Variants in UBAP2 observed in about 807,000 individuals in gnomAD.
The protein encoded by UBAP2 is ubiquitin-associated protein 2.
UBAP2 carries 75 observed loss-of-function variants against 139.6 expected under a neutral mutation model. The ratio of observed to expected loss-of-function variants is 0.54; its 90% CI spans 0.45 to 0.65. The LOEUF (loss-of-function observed/expected upper bound fraction) is 0.65. Ranked by LOEUF, UBAP2 falls within the 30% of genes least tolerant of loss-of-function variation. The pLI is 0.00. For synonymous variants in UBAP2, 526 were observed against 526.2 expected (o/e 1.00, Z 0.01); for missense variants, 1,368 against 1,369.6 (o/e 1.00, Z 0.02).
rs1315167451 is a variant in UBAP2 at position 33,922,866 on chromosome 9, G to A, written c.3085C>T (p.Gln1029Ter). The part of the protein sequence containing the change: ...VYNKTQTFDK[Q>*]GFHAGTPPPF... ...GGAGGCGTCCCTGCATGAAATCCCT[G>A]CTTGTCAAAAGTCTACAGGGCAAAG... The change falls in exon 28 of 29, where the codon CAG (glutamine) becomes TAG (stop). Residue 1029 changes from glutamine to a stop codon, truncating the protein, a stop_gained. Coordinates refer to ENST00000379238, the MANE Select transcript of UBAP2 (RefSeq NM_001370062.2). LOFTEE classifies it high-confidence loss of function. 7 of 1,593,578 alleles carry A rather than the reference G, an allele frequency of 4.4e-6. No homozygotes were observed. In the Admixed American group the frequency reaches 1.0e-4, roughly 23 times the overall value.
chr9:34,045,119 G>A (rs1159203851), intron 1 of UBAP2, among the ~76,000 whole-genome samples: 6 of 151,984 alleles, frequency 3.9e-5, no homozygotes, highest in East Asian at 1.9e-4. Context: ...AGGCCGAGGC[G>A]GGCGGATCAC....
intron 2 of UBAP2, among the ~76,000 whole-genome samples, chr9:34,012,923 G>T (rs941447553): frequency 8.6e-5 from 13 of 151,576 alleles, no homozygotes; most frequent in African/African-American, 2.9e-4. Context: ...AGCTGAGGTG[G>T]GCAGATCACC....
chr9:33,983,348 C>T (rs913275202), intron 6 of UBAP2, among the ~76,000 whole-genome samples: 2 of 152,176 alleles, frequency 1.3e-5, no homozygotes, highest in Admixed American at 1.3e-4. Context: ...AGTGGGATTT[C>T]AGTCATGAAG....
At chr9:33,958,706 C>CTTT (rs35500529) in intron 10 of UBAP2, among the ~76,000 whole-genome samples, 42,459 of 122,288 alleles carry the variant, frequency 0.35, 7,822 homozygotes, top group South Asian at 0.42. Context: ...TGTGCCCGGC[C>CTTT]TTTTTTTTTT....
At chr9:34,047,944 A>C (rs541611787) in intron 1 of UBAP2, among the ~76,000 whole-genome samples, 65 of 152,342 alleles carry the variant, frequency 4.3e-4, no homozygotes, top group African/African-American at 1.5e-3. Context: ...TATCCAATAG[A>C]AGTGGTAGTA....
At chr9:34,025,731 GT>G (rs1368160626) in intron 1 of UBAP2, among the ~76,000 whole-genome samples, 2 of 152,138 alleles carry the variant, frequency 1.3e-5, no homozygotes, top group Non-Finnish European at 2.9e-5. Context: ...TGCCTAAAAA[GT>G]TTTGTTTCCG....
At chr9:33,934,856 C>T (rs147738834) in intron 17 of UBAP2, among the ~76,000 whole-genome samples, 3 of 152,294 alleles carry the variant, frequency 2.0e-5, no homozygotes, top group Admixed American at 6.5e-5. Flanking sequence ...AAGCTCAGAA[C>T]GACCAACGAA....
chr9:34,000,030 C>T (rs537326736), intron 2 of UBAP2, among the ~76,000 whole-genome samples: 49 of 152,228 alleles, frequency 3.2e-4, no homozygotes, highest in African/African-American at 1.1e-3. Context: ...TCACTGCAAC[C>T]TCTGCCGCCC....
chr9:33,948,587 A>G lies in UBAP2; in HGVS notation c.1057T>C (p.Ser353Pro). 1.2e-6 allele frequency: 2 copies of G among 1,614,040 alleles called. No homozygotes were observed. Among genetic ancestry groups the G allele is most frequent in the Non-Finnish European group, 1.7e-6 (2 of 1,179,896 alleles). ...CCAAATCCTGAGCCAAGGACGGATGACTTTAAAAGGGGGATAAAAGAACAA... is the reference window on the plus strand; with the variant it reads ...CCAAATCCTGAGCCAAGGACGGATGGCTTTAAAAGGGGGATAAAAGAACAA... ...AVNSCSPQSL[S>P]SVLGSGFGEL... Residue 353 changes from serine (S) to proline (P), a missense_variant and splice_region_variant, in exon 13 of 29, where the codon TCA becomes CCA. Coordinates refer to ENST00000379238, the MANE Select transcript of UBAP2 (RefSeq NM_001370062.2).
Position 33,956,074 on chromosome 9 carries a change from T to C in UBAP2, c.866+5A>G. ...AACAAATATAAGATGGCAAAAAGTA[T>C]TTACCTTTGCCCAGGTAAGATGTGA... On this transcript the variant is annotated splice_donor_5th_base_variant and intron_variant, in intron 11 of 28. Coordinates refer to ENST00000379238, the MANE Select transcript of UBAP2 (RefSeq NM_001370062.2). 6.2e-7 allele frequency: 1 copy of C among 1,604,912 alleles called. No homozygotes were observed. Among genetic ancestry groups the C allele is most frequent in the South Asian group, 1.1e-5 (1 of 89,752 alleles).
chr9:33,940,865 T>C (rs1208201279), intron 16 of UBAP2, among the ~76,000 whole-genome samples: 1 of 152,228 alleles, frequency 6.6e-6, no homozygotes, highest in Non-Finnish European at 1.5e-5. Flanking sequence ...AAAGTATCTT[T>C]AATTAAGATA....
chr9:34,001,205 T>C (rs1252570300), intron 2 of UBAP2, among the ~76,000 whole-genome samples: 4 of 152,154 alleles, frequency 2.6e-5, no homozygotes, highest in African/African-American at 7.2e-5. Flanking sequence ...GTCAAAAATA[T>C]AGAGAGAAAC....
chr9:33,946,189 G>GT (rs1419452235), intron 13 of UBAP2, among the ~76,000 whole-genome samples: 1 of 152,108 alleles, frequency 6.6e-6, no homozygotes, highest in Non-Finnish European at 1.5e-5. Context: ...TCTTTAGCCA[G>GT]TTTTTTAACC....
At chr9:34,031,878 C>T (rs914011758) in intron 1 of UBAP2, among the ~76,000 whole-genome samples, 12 of 151,966 alleles carry the variant, frequency 7.9e-5, no homozygotes, top group Admixed American at 3.3e-4. Context: ...GGTTCATGCC[C>T]GTAATCTCAA....
Position 33,941,664 on chromosome 9 carries a change from A to T in UBAP2, c.1914T>A (p.Ala638=). Residue 638 remains alanine, a synonymous_variant, in exon 16 of 29, where the codon GCT becomes GCA. Coordinates refer to ENST00000379238, the MANE Select transcript of UBAP2 (RefSeq NM_001370062.2). ...TACCACTTACCATGATGGTTCCTGG[A>T]GCTGACTCTGATGAACTCACAGGGC... is the stretch of plus-strand genomic sequence containing the variant. ...YQSPVSSSES[A]PGTIMNGHGG... The T allele has an allele frequency of 5.0e-6, 8 of 1,614,142 alleles. No individual in the cohort carries two copies. The highest frequency in any genetic ancestry group is 6.8e-6 in the Non-Finnish European group (8 of 1,179,990).
intron 1 of UBAP2, among the ~76,000 whole-genome samples, chr9:34,019,789 A>G (rs1824747368): frequency 6.7e-6 from 1 of 150,288 alleles, no homozygotes; most frequent in Non-Finnish European, 1.5e-5. Flanking sequence ...TCCACAGAGG[A>G]AATATACCCA....
At chr9:33,944,800 G>T (rs1488794236) in intron 13 of UBAP2, among the ~76,000 whole-genome samples, 161 bp from the exon 14 acceptor site, 3 of 152,140 alleles carry the variant, frequency 2.0e-5, no homozygotes, top group Non-Finnish European at 2.9e-5. Context: ...TGATAAACGG[G>T]AAAAGTTCCT....
In UBAP2 at chr9:33,944,539, C is replaced by T. The variant is rs1825505599; in HGVS notation, c.1371G>A (p.Glu457=). 1.2e-6 allele frequency: 2 copies of T among 1,614,134 alleles called. No individual in the cohort carries two copies. The highest frequency in any genetic ancestry group is 8.5e-7 in the Non-Finnish European group (1 of 1,180,028). Residue 457 remains glutamate (E), a synonymous_variant, in exon 14 of 29, where the codon GAG becomes GAA. Transcript: ENST00000379238. ...QAVTVPPPGL[E]SFPSQAKLRE... is the part of the protein sequence containing the mutation. ...GAAGTTTTGCCTGGGAAGGAAAGGACTCCAAACCAGGAGGAGGAACAGTGA... is the reference window on the plus strand; with the variant it reads ...GAAGTTTTGCCTGGGAAGGAAAGGATTCCAAACCAGGAGGAGGAACAGTGA...
Position 33,922,329 on chromosome 9 carries a change from T to C in UBAP2, c.*175A>G, listed in dbSNP as rs1165009558. 1.2e-5 allele frequency: 8 copies of C among 641,182 alleles called. No individual in the cohort carries two copies. The highest frequency in any genetic ancestry group is 1.6e-5 in the Non-Finnish European group (6 of 368,170). The allele number at this position is 641,182 out of a possible 1,614,324, so 39.7% of individuals were successfully genotyped here. On this transcript the variant is annotated 3_prime_UTR_variant, in exon 29 of 29. Transcript: ENST00000379238. Reference sequence around the variant, plus strand: ...CCCAGACTTCTATCACATTTACAAATACATACATAAATACATTACATACAG... The same window carrying C: ...CCCAGACTTCTATCACATTTACAAACACATACATAAATACATTACATACAG...
Sources: gnomAD v4.1 joint callset for allele counts (sites outside exome capture counted in the v4.1 genomes callset) on GRCh38, gnomAD v4.1.1 for gene constraint, MANE v1.5 for transcripts, NCBI Gene and HGNC (gene_info 2026-07-23, HGNC 2026-07-21) for gene names.